The following AHCYL2 variants were observed in gnomAD, a reference collection of about 807,000 sequenced individuals.
The protein encoded by AHCYL2 is adenosylhomocysteinase like 2, also known as S-adenosylhomocysteine hydrolase-like protein 2.
Under a neutral mutation model 81.4 loss-of-function variants are expected in AHCYL2, and 28 were observed. The observed-to-expected ratio is 0.34, with a 90% CI of 0.25 to 0.47. The LOEUF is 0.47. Ranked by LOEUF, AHCYL2 falls within the 20% of genes least tolerant of loss-of-function variation. The pLI is 1.00. For missense variants in AHCYL2, 551 were observed against 785.1 expected (o/e 0.70, Z 3.56); for synonymous variants, 272 against 290.2 (o/e 0.94, Z 0.64).
chr7:129,428,238 A>C lies in AHCYL2; in HGVS notation c.*1193A>C, dbSNP rs1434677125. 9 of 152,174 alleles carry C rather than the reference A, an allele frequency of 5.9e-5. No homozygotes were observed. The highest frequency in any genetic ancestry group is 1.5e-5 in the Non-Finnish European group (1 of 68,032). 9.4% of individuals were successfully genotyped at this position (152,174 alleles called of 1,614,324 possible). On this transcript the variant is annotated 3_prime_UTR_variant, in exon 17 of 17. Coordinates refer to ENST00000325006, the MANE Select transcript of AHCYL2 (RefSeq NM_015328.4). ...GGATGAAACCGAGATCTGCAGTCTG[A>C]TCTGTGGACTTCTCTGCTGGCATAT... is the stretch of plus-strand genomic sequence containing the variant.
At chr7:129,309,275 A>G (rs1797556935) in intron 1 of AHCYL2, among the ~76,000 whole-genome samples, 1 of 151,658 alleles carries the variant, frequency 6.6e-6, no homozygotes, top group Non-Finnish European at 1.5e-5. Context: ...ACAGTGGCTC[A>G]CACCTGTAAT....
At chr7:129,354,167 A>G (rs888437730) in intron 1 of AHCYL2, among the ~76,000 whole-genome samples, 9 of 152,164 alleles carry the variant, frequency 5.9e-5, no homozygotes, top group African/African-American at 2.2e-4. Flanking sequence ...ATTGAAGGCA[A>G]TCAGTCCCCA....
intron 10 of AHCYL2, among the ~76,000 whole-genome samples, chr7:129,407,087 T>C (rs1177802009): frequency 6.6e-6 from 1 of 152,208 alleles, no homozygotes; most frequent in African/African-American, 2.4e-5. Flanking sequence ...AATGGGTTCA[T>C]GCCTGTAATC....
intron 1 of AHCYL2, among the ~76,000 whole-genome samples, chr7:129,249,993 T>C (rs1795195506): frequency 6.6e-6 from 1 of 152,220 alleles, no homozygotes; most frequent in Non-Finnish European, 1.5e-5. Flanking sequence ...TTCTTTTGGC[T>C]ATTGTGAATA....
intron 1 of AHCYL2, among the ~76,000 whole-genome samples, chr7:129,351,293 C>T (rs564495020): frequency 6.6e-6 from 1 of 152,190 alleles, no homozygotes; most frequent in African/African-American, 2.4e-5. Flanking sequence ...CCTGGAGATA[C>T]CAGCAGGAAC....
chr7:129,233,096 T>C (rs1794505563), intron 1 of AHCYL2, among the ~76,000 whole-genome samples: 1 of 152,212 alleles, frequency 6.6e-6, no homozygotes. Context: ...ATCTATTTCA[T>C]ATGCATAATC....
At chr7:129,374,665 C>T (rs985625471) in intron 1 of AHCYL2, among the ~76,000 whole-genome samples, 3 of 151,636 alleles carry the variant, frequency 2.0e-5, no homozygotes, top group Admixed American at 6.6e-5. Context: ...AAAATTAGCC[C>T]GCGTGGTGGC....
rs528636809 is a variant in AHCYL2, at chr7:129,406,283, C to T, written c.1207-95C>T. 9.6e-5 allele frequency: 101 copies of T among 1,046,672 alleles called. No homozygotes were observed. The highest frequency in any genetic ancestry group is 8.4e-4 in the African/African-American group (53 of 63,318). The allele number at this position is 1,046,672 out of a possible 1,614,324, so 64.8% of individuals were successfully genotyped here. ...TGAATCTATTCAGTGAAATTCCTCTCGGGGGTGGAAAGAGGGGGTGCACTT... is the reference window on the plus strand; with the variant it reads ...TGAATCTATTCAGTGAAATTCCTCTTGGGGGTGGAAAGAGGGGGTGCACTT... On this transcript the variant is annotated intron_variant, in intron 9 of 16. Transcript: ENST00000325006. The surrounding 1 kb of genome is among the most constrained non-coding windows in gnomAD (Gnocchi z 4.3).
At chr7:129,310,092 T>G (rs1275326310) in intron 1 of AHCYL2, among the ~76,000 whole-genome samples, 1 of 152,206 alleles carries the variant, frequency 6.6e-6, no homozygotes, top group Non-Finnish European at 1.5e-5. Context: ...TCTAAATATA[T>G]GATTCTTGAT....
At chr7:129,359,477 G>T (rs931514027) in intron 1 of AHCYL2, among the ~76,000 whole-genome samples, 61 of 152,134 alleles carry the variant, frequency 4.0e-4, no homozygotes, top group African/African-American at 1.5e-3. Flanking sequence ...TGTTATTTGT[G>T]TACTTTTGTA....
chr7:129,295,385 C>T lies in AHCYL2; in HGVS notation c.363+69946C>T, dbSNP rs537748880. ...GTATGAGTCAGTCTGTGTCCCTAGA[C>T]TGAGAACAGAGTAGTGGAACTGGTT... On this transcript the variant is annotated intron_variant, in intron 1 of 16. Coordinates refer to ENST00000325006, the MANE Select transcript of AHCYL2 (RefSeq NM_015328.4). 7.9e-5 allele frequency among the ~76,000 whole-genome samples: 12 copies of T among 152,318 alleles called. No individual in the cohort carries two copies. In the South Asian group the frequency reaches 2.5e-3, roughly 32 times the overall value.
chr7:129,268,928 T>A (rs1458273443), intron 1 of AHCYL2, among the ~76,000 whole-genome samples: 1 of 152,200 alleles, frequency 6.6e-6, no homozygotes, highest in Non-Finnish European at 1.5e-5. Context: ...GTAATTTAAT[T>A]TTGGAACATT....
intron 1 of AHCYL2, among the ~76,000 whole-genome samples, chr7:129,352,585 AGAATT>A (rs756089596): frequency 3.3e-5 from 5 of 152,200 alleles, no homozygotes; most frequent in Non-Finnish European, 5.9e-5. Flanking sequence ...TGTTCAAACT[AGAATT>A]GAAGTCATTA....
rs1193597039 is a variant in AHCYL2 at position 129,225,393 on chromosome 7, T to G, written c.317T>G (p.Val106Gly). 6.6e-7 allele frequency: 1 copy of G among 1,517,392 alleles called. No individual in the cohort carries two copies. Among genetic ancestry groups the G allele is most frequent in the Admixed American group, 2.0e-5 (1 of 49,510 alleles). The allele number at this position is 1,517,392 out of a possible 1,614,324, so 94.0% of individuals were successfully genotyped here. ...QRHRDGGEAL[V>G]SPDGTVTEAP... ...CACCGCGACGGCGGCGAGGCCCTGG[T>G]CAGCCCCGACGGCACCGTCACCGAG... The change falls in exon 1 of 17, where the codon GTC becomes GGC. Residue 106 changes from valine to glycine, a missense_variant. Val to Gly is a moderately radical substitution (Grantham distance 109). Coordinates refer to ENST00000325006, the MANE Select transcript of AHCYL2 (RefSeq NM_015328.4).
rs1340403937 is a variant in AHCYL2, at chr7:129,427,443, C to T, written c.*398C>T. ...TTCTGGAATAAATTTTCAGCACCTG[C>T]TTTTCTCAGCTTGGCCCTTCCCCGG... On this transcript the variant is annotated 3_prime_UTR_variant, in exon 17 of 17. Transcript: ENST00000325006. This position sits in a 1 kb window ranked among gnomAD's most constrained non-coding sequence, Gnocchi z 5.5. 6.2e-6 allele frequency: 1 copy of T among 161,998 alleles called. No homozygotes were observed. Among genetic ancestry groups the T allele is most frequent in the Non-Finnish European group, 1.3e-5 (1 of 74,734 alleles). The allele number at this position is 161,998 out of a possible 1,614,324, so 10.0% of individuals were successfully genotyped here. A position where few individuals can be genotyped will look rare whatever the true frequency, so the allele number is the denominator to read the frequency against.
Position 129,368,218 on chromosome 7 carries a change from AAGC to A in AHCYL2, c.364-11418_364-11416del, listed in dbSNP as rs1292201075. ...ATTAAAACAGTGAGTGCCCTGTGAG[AAGC>A]ACAGTGCCTGGGTGCAGCACTTTGC... On this transcript the variant is annotated intron_variant, in intron 1 of 16. Coordinates refer to ENST00000325006, the MANE Select transcript of AHCYL2 (RefSeq NM_015328.4). The surrounding 1 kb of genome is among the most constrained non-coding windows in gnomAD (Gnocchi z 4.4). The A allele has an allele frequency of 2.3e-6, 3 of 1,295,962 alleles. No homozygotes were observed. The African/African-American group carries it at 4.5e-5, about 19-fold the overall frequency. The allele number at this position is 1,295,962 out of a possible 1,614,324, so 80.3% of individuals were successfully genotyped here. A position where few individuals can be genotyped will look rare whatever the true frequency, so the allele number is the denominator to read the frequency against.
chr7:129,254,952 G>T (rs1795361301), intron 1 of AHCYL2, among the ~76,000 whole-genome samples: 1 of 152,122 alleles, frequency 6.6e-6, no homozygotes, highest in Admixed American at 6.5e-5. Flanking sequence ...AGAAAGTAAA[G>T]AATTAAATTT....
intron 1 of AHCYL2, among the ~76,000 whole-genome samples, chr7:129,347,805 ACTATT>A: frequency 6.6e-6 from 1 of 152,254 alleles, no homozygotes; most frequent in South Asian, 2.1e-4. Flanking sequence ...CGTTTATTTC[ACTATT>A]CTAAGGAATA....
At chr7:129,389,251 C>T (rs572851652) in intron 3 of AHCYL2, 52 bp downstream of exon 3, 8 of 1,607,056 alleles carry the variant, frequency 5.0e-6, no homozygotes, top group Middle Eastern at 3.3e-4. Context: ...TCTTTTTGTC[C>T]ATATTAATCC....
Sources: allele counts gnomAD v4.1 joint callset (sites outside exome capture counted in the v4.1 genomes callset), GRCh38; gene constraint gnomAD v4.1.1; non-coding constraint Gnocchi (gnomAD v3.1); transcripts MANE v1.5; gene names NCBI Gene and HGNC (gene_info 2026-07-23, HGNC 2026-07-21).